Variants in LYST observed in about 807,000 individuals in gnomAD.
The protein encoded by LYST is lysosomal trafficking regulator.
LYST carries 192 observed loss-of-function variants against 413.6 expected under a neutral mutation model. The ratio of observed to expected loss-of-function variants is 0.46; its 90% confidence interval spans 0.41 to 0.52. The LOEUF is 0.52. Ranked by LOEUF, LYST falls within the 20% of genes least tolerant of loss-of-function variation. The probability of loss-of-function intolerance (pLI) is 0.00; values close to 1 mark genes in which losing one functional copy is unlikely to be tolerated. For missense variants in LYST, 3,815 were observed against 4,499.9 expected (o/e 0.85, Z 4.35); for synonymous variants, 1,525 against 1,567.3 (o/e 0.97, Z 0.64).
chr1:235,819,231 C>A (rs1232935278), intron 3 of LYST, among the ~76,000 whole-genome samples: 13 of 152,178 alleles, frequency 8.5e-5, no homozygotes, highest in Non-Finnish European at 1.8e-4. Flanking sequence ...CACAATTCAT[C>A]ATTGGGGAAG....
At chr1:235,680,018 T>TACAC (rs34599051) in intron 48 of LYST, among the ~76,000 whole-genome samples, 11,528 of 150,568 alleles carry the variant, frequency 0.077, 564 homozygotes, top group Middle Eastern at 0.13. Flanking sequence ...TATCTATGTA[T>TACAC]ACACACACAC....
Position 235,697,278 on chromosome 1 carries a change from A to G in LYST, c.10375-6T>C. On this transcript the variant is annotated splice_polypyrimidine_tract_variant and splice_region_variant and intron_variant, in intron 45 of 52. Transcript: ENST00000389793. ...TTTATCCATGACAAAGGACTCTAAA[A>G]TGAAGAAAAATAAAAAGTATGGCTT... The G allele has an allele frequency of 6.2e-7, 1 of 1,609,156 alleles. No homozygotes were observed. The highest frequency in any genetic ancestry group is 8.5e-7 in the Non-Finnish European group (1 of 1,176,038).
At chr1:235,778,846 T>A (rs1669574397) in intron 16 of LYST, among the ~76,000 whole-genome samples, 1 of 151,872 alleles carries the variant, frequency 6.6e-6, no homozygotes. Flanking sequence ...CACCCTGACA[T>A]GAGGGTACCA....
At chr1:235,683,866 G>A (rs1459299510) in intron 48 of LYST, among the ~76,000 whole-genome samples, 1 of 152,108 alleles carries the variant, frequency 6.6e-6, no homozygotes, top group Non-Finnish European at 1.5e-5. Flanking sequence ...ATAGCAACAC[G>A]ATCCCTGGGA....
In LYST at chr1:235,662,952, A is replaced by T. The variant is rs1360371690; in HGVS notation, c.11394T>A (p.Tyr3798Ter). The stretch of plus-strand genomic sequence containing the variant: ...AGTTCATTCGCATTCACCCGGCTGC[A>T]TAGCTGCTAAGGAAGGAATAGAACA... ...QPMFYSFLSS[Y>*]AAG The change falls in exon 53 of 53, where the codon TAT (tyrosine) becomes TAA (stop). Residue 3798 changes from tyrosine to a stop codon, truncating the protein, a stop_gained. Coordinates refer to ENST00000389793, the MANE Select transcript of LYST (RefSeq NM_000081.4). LOFTEE classifies it high-confidence loss of function. 6.3e-7 allele frequency: 1 copy of T among 1,577,834 alleles called. No individual in the cohort carries two copies. Among genetic ancestry groups the T allele is most frequent in the Non-Finnish European group, 8.7e-7 (1 of 1,146,942 alleles).
At position 235,733,859 on chromosome 1, in the gene LYST, C is replaced by T. The variant is rs80338664; in HGVS notation, c.8583G>A (p.Trp2861Ter). 6.2e-7 allele frequency: 1 copy of T among 1,604,410 alleles called. No individual in the cohort carries two copies. The highest frequency in any genetic ancestry group is 8.5e-7 in the Non-Finnish European group (1 of 1,171,486). The change falls in exon 33 of 53, where the codon TGG (tryptophan) becomes TGA (stop). Residue 2861 changes from tryptophan (W) to a stop codon, truncating the protein, a stop_gained. Transcript: ENST00000389793. LOFTEE classifies it high-confidence loss of function. ...ETEEGVNKAA[W>*]QKTVNNNQQS... ...GTTGATTATTGTTAACTGTTTTCTG[C>T]CAAGCAGCTTTATTCACTCCTTCTT...
rs1486181314 is a variant in LYST at position 235,809,870 on chromosome 1, G to T, written c.948C>A (p.Thr316=). ...TTTGAATCAAAGCCACCGGTTCTTC[G>T]GTCCAACCTGCAGAAACTACTCGAC... ...LESRVVSAGW[T]EEPVALIQRM... The change falls in exon 5 of 53, where the codon ACC becomes ACA. Residue 316 remains threonine (T), a synonymous_variant. Transcript: ENST00000389793. This position sits in a 1 kb window ranked among gnomAD's most constrained non-coding sequence, Gnocchi z 4.0. 4 of 1,613,824 alleles carry T rather than the reference G, an allele frequency of 2.5e-6. No homozygotes were observed. The highest frequency in any genetic ancestry group is 2.5e-6 in the Non-Finnish European group (3 of 1,179,944).
intron 3 of LYST, among the ~76,000 whole-genome samples, chr1:235,817,972 G>C (rs1028459462): frequency 2.0e-5 from 3 of 152,034 alleles, no homozygotes; most frequent in Admixed American, 2.0e-4. Flanking sequence ...GAGAAAATAC[G>C]TAAGTTTTAC....
At chr1:235,856,266 A>C (rs572005443) in intron 1 of LYST, among the ~76,000 whole-genome samples, 1 of 152,304 alleles carries the variant, frequency 6.6e-6, no homozygotes, top group African/African-American at 2.4e-5. Context: ...ATGCACAGAC[A>C]TCTTTTGGTT....
chr1:235,766,114 T>A lies in LYST; in HGVS notation c.6086A>T (p.His2029Leu). The change falls in exon 21 of 53, where the codon CAC (histidine) becomes CTC (leucine). Residue 2029 changes from histidine to leucine, a missense_variant. By Grantham distance (99) the His-to-Leu change is moderately conservative (BLOSUM62 -3). Transcript: ENST00000389793. ...VHPPTNTYVC[H>L]NPTNFYFSLH... Reference sequence around the variant, plus strand: ...AGAAAAGTAGAAGTTCGTGGGATTGTGACAAACGTAAGTATTAGTAGGAGG... The same window carrying A: ...AGAAAAGTAGAAGTTCGTGGGATTGAGACAAACGTAAGTATTAGTAGGAGG... 1 of 1,613,646 alleles carries A rather than the reference T, an allele frequency of 6.2e-7. No homozygotes were observed. Among genetic ancestry groups the A allele is most frequent in the South Asian group, 1.1e-5 (1 of 91,080 alleles).
Position 235,759,371 on chromosome 1 carries a change from T to A in LYST, c.6482A>T (p.Glu2161Val). Residue 2161 changes from glutamate to valine, a missense_variant, in exon 23 of 53, where the codon GAG becomes GTG. Glu to Val is a moderately radical substitution (Grantham distance 121). Around this residue, in one of 4 missense-constraint regions of LYST, gnomAD observed 771 missense variants for 837.1 expected, o/e 0.92. Transcript: ENST00000389793. ...CTCACAGCTACTGATGAATGCGTCCTCTTTGCCTTTTTTCAGTGTGTCGGA... is the reference window on the plus strand; with the variant it reads ...CTCACAGCTACTGATGAATGCGTCCACTTTGCCTTTTTTCAGTGTGTCGGA... ...GSSDTLKKGK[E>V]DAFISSCESA... The A allele has an allele frequency of 6.2e-7, 1 of 1,614,230 alleles. No homozygotes were observed. The highest frequency in any genetic ancestry group is 8.5e-7 in the Non-Finnish European group (1 of 1,180,020).
chr1:235,862,021 G>C (rs1679940769), intron 1 of LYST, among the ~76,000 whole-genome samples: 1 of 152,106 alleles, frequency 6.6e-6, no homozygotes, highest in Non-Finnish European at 1.5e-5. Flanking sequence ...TCCTGCACTA[G>C]GGACAACAGA....
chr1:235,745,213 C>A (rs1043353035), intron 29 of LYST, among the ~76,000 whole-genome samples: 2 of 152,072 alleles, frequency 1.3e-5, no homozygotes, highest in Non-Finnish European at 1.5e-5. Flanking sequence ...CACATAGTTA[C>A]CACTTTTTTT....
In LYST at chr1:235,741,572, A is replaced by G. The variant is rs1444121344; in HGVS notation, c.8208T>C (p.Cys2736=). The part of the protein sequence containing the change: ...KQQWTKILWS[C]KETFRMQLGR... ...CAAGCTGCATTCGGAAGGTCTCCTT[A>G]CAAGACCACAGAATTTTAGTCCATT... The change falls in exon 31 of 53, where the codon TGT becomes TGC. Residue 2736 remains cysteine (C), a synonymous_variant. Transcript: ENST00000389793. 4.3e-6 allele frequency: 7 copies of G among 1,614,150 alleles called. No individual in the cohort carries two copies. The highest frequency in any genetic ancestry group is 1.7e-4 in the Middle Eastern group (1 of 6,060).
intron 50 of LYST, among the ~76,000 whole-genome samples, chr1:235,671,732 A>ATAG (rs1338674125): frequency 6.6e-6 from 1 of 152,060 alleles, no homozygotes; most frequent in Non-Finnish European, 1.5e-5. Flanking sequence ...AGAGAGAAGA[A>ATAG]TAGTAAGAAG....
At chr1:235,839,849 T>A (rs1320678247) in intron 1 of LYST, 2 of 151,456 alleles carry the variant, frequency 1.3e-5, no homozygotes, top group Admixed American at 6.6e-5. Flanking sequence ...AATAAAATAA[T>A]AAATAAATAA....
chr1:235,709,796 T>C (rs924317323), intron 43 of LYST, among the ~76,000 whole-genome samples: 11 of 150,014 alleles, frequency 7.3e-5, no homozygotes, highest in Admixed American at 3.9e-4. Flanking sequence ...TAATATAAAG[T>C]ATACACATTG....
intron 22 of LYST, among the ~76,000 whole-genome samples, chr1:235,759,891 T>C (rs1421159780): frequency 2.6e-5 from 4 of 152,090 alleles, no homozygotes; most frequent in East Asian, 1.9e-4. Context: ...GCTGGGACTA[T>C]AGGCATGCAC....
At chr1:235,802,713 T>C (rs1232242663) in intron 8 of LYST, among the ~76,000 whole-genome samples, 195 bp downstream of exon 8, 1 of 152,226 alleles carries the variant, frequency 6.6e-6, no homozygotes, top group Non-Finnish European at 1.5e-5. Context: ...CAGATGATGT[T>C]TGTGATAACA....
Sources: gnomAD v4.1 joint callset for allele counts (sites outside exome capture counted in the v4.1 genomes callset) on GRCh38, gnomAD v4.1.1 for gene constraint, gnomAD v4.1.1 regional missense constraint, Gnocchi (gnomAD v3.1) non-coding constraint, MANE v1.5 for transcripts, NCBI Gene and HGNC (gene_info 2026-07-23, HGNC 2026-07-21) for gene names.